CNTN5: variants seen among roughly 807,000 people sequenced by gnomAD.
CNTN5 encodes contactin 5.
CNTN5 carries 77 observed loss-of-function variants against 129.1 expected under a neutral mutation model. The observed-to-expected ratio is 0.60, with a 90% CI of 0.50 to 0.72. The LOEUF is 0.72. Ranked by LOEUF, CNTN5 falls within the 30% of genes least tolerant of loss-of-function variation. CNTN5 has a pLI of 0.00. For synonymous variants in CNTN5, 509 were observed against 465.6 expected (o/e 1.09, Z -1.20); for missense variants, 1,478 against 1,328.8 (o/e 1.11, Z -1.75).
chr11:99,757,985 T>G (rs929151477), intron 3 of CNTN5, among the ~76,000 whole-genome samples: 1 of 152,116 alleles, frequency 6.6e-6, no homozygotes, highest in Admixed American at 6.6e-5. Context: ...ATAAACATTT[T>G]GCTTAATTGT....
At chr11:99,036,171 A>G (rs1170627973) in intron 1 of CNTN5, among the ~76,000 whole-genome samples, 2 of 152,196 alleles carry the variant, frequency 1.3e-5, no homozygotes, top group East Asian at 3.9e-4. Context: ...AATGCCAGCT[A>G]TTCAGAAATG....
chr11:99,695,747 A>G (rs1237782816), intron 3 of CNTN5, among the ~76,000 whole-genome samples: 1 of 151,980 alleles, frequency 6.6e-6, no homozygotes, highest in Non-Finnish European at 1.5e-5. Flanking sequence ...ATAGAAAGAA[A>G]GCGAAAAAAT....
intron 3 of CNTN5, among the ~76,000 whole-genome samples, chr11:99,719,755 T>C (rs904846442): frequency 2.0e-5 from 3 of 152,046 alleles, no homozygotes; most frequent in Non-Finnish European, 4.4e-5. Flanking sequence ...CGTGAGTTGT[T>C]TTTTGAAAAA....
chr11:99,301,733 TTA>T (rs1486778092), intron 1 of CNTN5, among the ~76,000 whole-genome samples: 19 of 151,700 alleles, frequency 1.3e-4, no homozygotes, highest in African/African-American at 4.1e-4. Flanking sequence ...TATAAACCAA[TTA>T]GTCTACACAT....
intron 7 of CNTN5, among the ~76,000 whole-genome samples, chr11:99,922,335 A>C (rs1949960205): frequency 6.6e-6 from 1 of 152,190 alleles, no homozygotes; most frequent in South Asian, 2.1e-4. Flanking sequence ...GGGATTATGA[A>C]AGCTACAAGT....
intron 1 of CNTN5, among the ~76,000 whole-genome samples, chr11:99,304,685 C>T (rs1361568049): frequency 6.6e-6 from 1 of 152,176 alleles, no homozygotes; most frequent in Non-Finnish European, 1.5e-5. Flanking sequence ...AAATACGTTT[C>T]AGTGTTGTGC....
chr11:100,033,225 G>A (rs528045218), intron 9 of CNTN5, among the ~76,000 whole-genome samples: 55 of 152,232 alleles, frequency 3.6e-4, no homozygotes, highest in African/African-American at 8.9e-4. Flanking sequence ...GGAGAAGCAC[G>A]GGAAACTAAT....
At chr11:99,114,705 G>A (rs151105245) in intron 1 of CNTN5, among the ~76,000 whole-genome samples, 14 of 152,098 alleles carry the variant, frequency 9.2e-5, no homozygotes, top group Admixed American at 3.3e-4. Flanking sequence ...TTGCTTGATC[G>A]GTAATTAGAA....
At position 100,339,040 on chromosome 11, in the gene CNTN5, G is replaced by A. The variant is rs983364089; in HGVS notation, c.2731-1423G>A. ...CTCAACTGACAGGAGCAAGCTCTGT[G>A]CAGGGCCTGCGGCAGTGCCCAGGTC... On this transcript the variant is annotated intron_variant, in intron 21 of 24. Transcript: ENST00000524871. 6.6e-5 allele frequency among the ~76,000 whole-genome samples: 10 copies of A among 152,138 alleles called. No homozygotes were observed. In the East Asian group the frequency reaches 1.4e-3, roughly 21 times the overall value.
intron 1 of CNTN5, among the ~76,000 whole-genome samples, chr11:99,087,326 C>G (rs917120488): frequency 2.0e-5 from 3 of 152,138 alleles, no homozygotes; most frequent in Non-Finnish European, 4.4e-5. Context: ...CCTGCTTTCC[C>G]TACTTTATCT....
chr11:99,568,737 T>C (rs1417653009), intron 3 of CNTN5, among the ~76,000 whole-genome samples: 4 of 152,238 alleles, frequency 2.6e-5, no homozygotes, highest in African/African-American at 9.6e-5. Flanking sequence ...GAACCATGTA[T>C]AACTAATTAC....
chr11:100,021,758 A>C (rs914179284), intron 9 of CNTN5, among the ~76,000 whole-genome samples: 1 of 152,188 alleles, frequency 6.6e-6, no homozygotes, highest in African/African-American at 2.4e-5. Flanking sequence ...TTGAGGAACA[A>C]GGAAACCAGT....
chr11:99,469,935 T>G (rs1242278790), intron 2 of CNTN5, among the ~76,000 whole-genome samples: 2 of 152,170 alleles, frequency 1.3e-5, no homozygotes, highest in African/African-American at 4.8e-5. Flanking sequence ...TACAATTTAA[T>G]GAGTGTCAGT....
At chr11:99,429,212 T>TCCG (rs35321991) in intron 2 of CNTN5, among the ~76,000 whole-genome samples, 3 of 152,104 alleles carry the variant, frequency 2.0e-5, no homozygotes, top group Admixed American at 2.0e-4. Context: ...GCTTAAAGTT[T>TCCG]TTTTTCTGAT....
chr11:99,864,519 G>A (rs887592115), intron 6 of CNTN5, among the ~76,000 whole-genome samples: 2 of 152,128 alleles, frequency 1.3e-5, no homozygotes, highest in East Asian at 1.9e-4. Flanking sequence ...GTCTTCCCTC[G>A]ATTCCACAAA....
At chr11:99,794,018 TA>T (rs1945845784) in intron 3 of CNTN5, among the ~76,000 whole-genome samples, 1 of 152,148 alleles carries the variant, frequency 6.6e-6, no homozygotes, top group African/African-American at 2.4e-5. Context: ...TGGTGTGTTG[TA>T]GTCTTCCATT....
intron 9 of CNTN5, among the ~76,000 whole-genome samples, chr11:100,009,261 A>G (rs548859177): frequency 4.6e-5 from 7 of 152,230 alleles, no homozygotes; most frequent in African/African-American, 1.2e-4. Context: ...AGAGTGTACT[A>G]GTTTACTCCT....
chr11:99,733,063 C>T (rs1034466169), intron 3 of CNTN5, among the ~76,000 whole-genome samples: 16 of 152,052 alleles, frequency 1.1e-4, no homozygotes, highest in African/African-American at 3.6e-4. Context: ...CGGTGGCTCA[C>T]GCCTGTCATC....
intron 1 of CNTN5, among the ~76,000 whole-genome samples, chr11:99,263,108 T>C (rs1862718680): frequency 6.6e-6 from 1 of 152,090 alleles, no homozygotes; most frequent in South Asian, 2.1e-4. Context: ...TGAAAACCAA[T>C]AATTTGGTTT....
Sources: gnomAD v4.1 joint callset for allele counts (sites outside exome capture counted in the v4.1 genomes callset) on GRCh38, gnomAD v4.1.1 for gene constraint, MANE v1.5 for transcripts, NCBI Gene and HGNC (gene_info 2026-07-23, HGNC 2026-07-21) for gene names.